The following RAP1GAP2 variants were observed in gnomAD, a reference collection of about 807,000 sequenced individuals.
RAP1GAP2 encodes RAP1 GTPase activating protein 2.
A neutral mutation model predicts 95.0 loss-of-function variants in RAP1GAP2; 27 were observed. That is an observed-to-expected ratio of 0.28 (90% CI 0.21 to 0.39). RAP1GAP2 has a LOEUF of 0.39. RAP1GAP2 is among the 10% of genes least tolerant of loss of function. The pLI, the probability that RAP1GAP2 is intolerant of heterozygous loss-of-function variation, is 1.00. For synonymous variants in RAP1GAP2, 373 were observed against 380.9 expected, an observed-to-expected ratio of 0.98 and a Z score of 0.24; for missense variants, 771 against 970.0, an observed-to-expected ratio of 0.79 and a Z score of 2.72.
upstream of RAP1GAP2, among the ~76,000 whole-genome samples, chr17:2,792,606 T>G (rs1175947090): frequency 6.6e-6 from 1 of 152,190 alleles, no homozygotes; most frequent in Non-Finnish European, 1.5e-5. Flanking sequence ...CCCTGGATCC[T>G]CCTGGTTTCT....
chr17:2,803,354 C>T (rs1448113734), intron 2 of RAP1GAP2, among the ~76,000 whole-genome samples: 1 of 152,092 alleles, frequency 6.6e-6, no homozygotes, highest in African/African-American at 2.4e-5. Context: ...TCTGGTTACG[C>T]AAAAGATGGA....
rs775089025 is a variant in RAP1GAP2 at position 3,030,957 on chromosome 17, A to G, written c.2143A>G (p.Lys715Glu). ...KSRNSPRSNL[K>E]FRFDKLSHAS... is the part of the protein sequence containing the mutation. ...CAGAAACTCCCCGAGATCGAACCTG[A>G]AATTCCGCTTTGACAAGCTCAGCCA... Residue 715 changes from lysine (K) to glutamate (E), a missense_variant, in exon 23 of 25, where the codon AAA becomes GAA. Lys to Glu is a moderately conservative substitution (Grantham distance 56). Coordinates refer to ENST00000254695, the MANE Select transcript of RAP1GAP2 (RefSeq NM_015085.5). The G allele has an allele frequency of 1.2e-6, 2 of 1,611,498 alleles. No homozygotes were observed. The highest frequency in any genetic ancestry group is 1.7e-6 in the Non-Finnish European group (2 of 1,178,954).
chr17:3,025,238 A>G (rs760807887), intron 19 of RAP1GAP2, among the ~76,000 whole-genome samples: 1 of 152,150 alleles, frequency 6.6e-6, no homozygotes, highest in Non-Finnish European at 1.5e-5. Flanking sequence ...TTAGCTGGCC[A>G]TGGTGGTATA....
exon 1 of RAP1GAP2, chr17:2,777,199 A>C (rs1414997320): frequency 6.6e-6 from 1 of 152,176 alleles, no homozygotes; most frequent in African/African-American, 2.4e-5. Flanking sequence ...ACGTCCACCT[A>C]TAGGGTGTGT....
intron 2 of RAP1GAP2, among the ~76,000 whole-genome samples, chr17:2,801,597 ATGTGTGTGTGTGTGTGTGTGTG>A (rs71150898): frequency 0.038 from 4,655 of 121,938 alleles, 106 homozygotes; most frequent in African/African-American, 0.078. Context: ...ACTCCAGGGT[ATGTGTGTGTGTGTGTGTGTGTG>A]TGTGTGTGTG....
At chr17:2,954,959 A>G (rs1345725407) in intron 3 of RAP1GAP2, among the ~76,000 whole-genome samples, 1 of 152,222 alleles carries the variant, frequency 6.6e-6, no homozygotes, top group East Asian at 1.9e-4. Flanking sequence ...AGGTATCAGT[A>G]TATGTTATTT....
At chr17:2,784,398 A>G (rs1355817094) in intron 1 of RAP1GAP2, among the ~76,000 whole-genome samples, 1 of 151,854 alleles carries the variant, frequency 6.6e-6, no homozygotes, top group Non-Finnish European at 1.5e-5. Flanking sequence ...AGCCTCCCAA[A>G]TAGCTGGGAC....
chr17:2,758,157 C>T (rs941049028), intron 1 of RAP1GAP2, among the ~76,000 whole-genome samples: 1 of 149,320 alleles, frequency 6.7e-6, no homozygotes, highest in Non-Finnish European at 1.5e-5. Context: ...GCGTGAGCCA[C>T]CACGCCTGGC....
At chr17:2,802,154 C>T (rs1350946901) in intron 2 of RAP1GAP2, among the ~76,000 whole-genome samples, 2 of 152,224 alleles carry the variant, frequency 1.3e-5, no homozygotes, top group Admixed American at 1.3e-4. Context: ...GGTTGTCACT[C>T]CCCCATCTCG....
intron 2 of RAP1GAP2, among the ~76,000 whole-genome samples, chr17:2,899,529 G>T (rs2041955302): frequency 6.6e-6 from 1 of 151,024 alleles, no homozygotes; most frequent in African/African-American, 2.4e-5. Flanking sequence ...TTATTTTTTT[G>T]AGGTGGAGTC....
chr17:2,763,062 G>T (rs754350707), intron 1 of RAP1GAP2, among the ~76,000 whole-genome samples: 3 of 152,132 alleles, frequency 2.0e-5, no homozygotes, highest in Admixed American at 6.6e-5. Context: ...TGTTCAGCGG[G>T]ATTTCAGATA....
rs532178420 is a variant in RAP1GAP2, at chr17:2,838,722, C to T, written c.80+38172C>T. On this transcript the variant is annotated intron_variant, in intron 2 of 24. Transcript: ENST00000254695. Reference sequence around the variant, plus strand: ...GAGATGACATTTGGTGGTAAGAGGACGGGACACAGCATTCCCCGAAACTGA... The same window carrying T: ...GAGATGACATTTGGTGGTAAGAGGATGGGACACAGCATTCCCCGAAACTGA... Among the ~76,000 whole-genome samples, 19 of 152,222 alleles carry T rather than the reference C, an allele frequency of 1.2e-4. No homozygotes were observed. In the South Asian group the frequency reaches 2.1e-3, roughly 17 times the overall value.
In RAP1GAP2 at chr17:2,871,244, C is replaced by CTGCG. The variant is rs901527318; in HGVS notation, c.81-34039_81-34036dup. 1.3e-5 allele frequency among the ~76,000 whole-genome samples: 2 copies of CTGCG among 152,244 alleles called. No individual in the cohort carries two copies. Among genetic ancestry groups the CTGCG allele is most frequent in the African/African-American group, 4.8e-5 (2 of 41,460 alleles). ...GTGCTGGGATTACAGGCATGAGCCA[C>CTGCG]TGCGCCCAGCCAAGGGCTAAACATT... On this transcript the variant is annotated intron_variant, in intron 2 of 24. Transcript: ENST00000254695. The surrounding 1 kb of genome is among the most constrained non-coding windows in gnomAD (Gnocchi z 5.0).
intron 2 of RAP1GAP2, among the ~76,000 whole-genome samples, chr17:2,860,916 T>G (rs2072357883): frequency 6.6e-6 from 1 of 152,036 alleles, no homozygotes; most frequent in Non-Finnish European, 1.5e-5. Context: ...GACTTTCCGT[T>G]ATACTTTAAA....
At chr17:2,785,669 G>T (rs1345771549) in intron 1 of RAP1GAP2, among the ~76,000 whole-genome samples, 1 of 152,086 alleles carries the variant, frequency 6.6e-6, no homozygotes, top group Non-Finnish European at 1.5e-5. Flanking sequence ...CTTTAAAAAG[G>T]CCAAGAATTT....
chr17:2,919,347 C>T (rs1460035309), intron 3 of RAP1GAP2, among the ~76,000 whole-genome samples: 1 of 152,204 alleles, frequency 6.6e-6, no homozygotes, highest in Non-Finnish European at 1.5e-5. Context: ...GCAGGGTCGC[C>T]ATCCTCATGA....
At chr17:2,874,342 T>C (rs1173912839) in intron 2 of RAP1GAP2, among the ~76,000 whole-genome samples, 2 of 152,156 alleles carry the variant, frequency 1.3e-5, no homozygotes, top group East Asian at 3.8e-4. Context: ...GGTTGGAATT[T>C]CAGAAAAATT....
chr17:2,795,832 C>T (rs531766401), upstream of RAP1GAP2, among the ~76,000 whole-genome samples: 26 of 152,046 alleles, frequency 1.7e-4, no homozygotes, highest in East Asian at 4.4e-3. Context: ...GTGTGCCGCG[C>T]TGTGCTCAGG....
intron 2 of RAP1GAP2, among the ~76,000 whole-genome samples, chr17:2,809,532 G>A (rs1436618966): frequency 1.3e-5 from 2 of 152,030 alleles, no homozygotes; most frequent in Non-Finnish European, 2.9e-5. Flanking sequence ...TCAGCTCCCC[G>A]GGTCCTCATG....
Sources: allele counts gnomAD v4.1 joint callset (sites outside exome capture counted in the v4.1 genomes callset), GRCh38; gene constraint gnomAD v4.1.1; non-coding constraint Gnocchi (gnomAD v3.1); transcripts MANE v1.5; gene names NCBI Gene and HGNC (gene_info 2026-07-23, HGNC 2026-07-21).